PRRC2C: variants seen among roughly 807,000 people sequenced by gnomAD.
The protein encoded by PRRC2C is protein PRRC2C.
PRRC2C carries 72 observed loss-of-function variants against 317.2 expected under a neutral mutation model. That is an observed-to-expected ratio of 0.23 (90% confidence interval 0.19 to 0.28). The LOEUF (loss-of-function observed/expected upper bound fraction) is 0.28, where lower values mean the gene tolerates loss of function less well. Ranked by LOEUF, PRRC2C falls within the 10% of genes least tolerant of loss-of-function variation. The pLI is 1.00. For synonymous variants in PRRC2C, 1,296 were observed against 1,205.9 expected (o/e 1.07, Z -1.55); for missense variants, 3,074 against 3,459.7 (o/e 0.89, Z 2.80).
In PRRC2C at chr1:171,541,388, A is replaced by G. The variant is rs1677917869; in HGVS notation, c.3922A>G (p.Lys1308Glu). Residue 1308 changes from lysine to glutamate, a missense_variant, in exon 16 of 35, where the codon AAG becomes GAG. Around this residue, in one of 11 missense-constraint regions of PRRC2C, gnomAD observed 1,320 missense variants for 1,395.7 expected, o/e 0.95. Coordinates refer to ENST00000647382, the MANE Select transcript of PRRC2C (RefSeq NM_001387844.1). This position sits in a 1 kb window ranked among gnomAD's most constrained non-coding sequence, Gnocchi z 4.1. The part of the protein sequence containing the change: ...KKPVKPHSSF[K>E]PDNHVRIDNR... The stretch of plus-strand genomic sequence containing the variant: ...ACCTGTAAAGCCTCATTCTTCTTTC[A>G]AGCCTGATAATCATGTTCGAATAGA... The G allele has an allele frequency of 6.2e-7, 1 of 1,613,000 alleles. No homozygotes were observed. Among genetic ancestry groups the G allele is most frequent in the African/African-American group, 1.3e-5 (1 of 74,806 alleles).
intron 17 of PRRC2C, among the ~76,000 whole-genome samples, chr1:171,549,020 T>G (rs1052890258): frequency 6.6e-6 from 1 of 152,130 alleles, no homozygotes; most frequent in Non-Finnish European, 1.5e-5. Context: ...TTTTTGCATT[T>G]TTTGTAGAGA....
intron 15 of PRRC2C, among the ~76,000 whole-genome samples, chr1:171,538,960 C>T (rs1191468034): frequency 6.6e-6 from 1 of 151,514 alleles, no homozygotes; most frequent in Non-Finnish European, 1.5e-5. Flanking sequence ...GATCCTCCTG[C>T]CTCCCAGAGT....
Position 171,501,696 on chromosome 1 carries a change from T to G in PRRC2C, c.-57-10336T>G, listed in dbSNP as rs149683796. Among the ~76,000 whole-genome samples, 378 of 152,298 alleles carry G rather than the reference T, an allele frequency of 2.5e-3. 1 individual carries two copies. The highest frequency in any genetic ancestry group is 3.5e-3 in the Non-Finnish European group (240 of 68,020). ...AAGTAATAAAAAAGCTTTTCAAAATTAAAATTGATATAGGTAGAGGGTATA... is the reference window on the plus strand; with the variant it reads ...AAGTAATAAAAAAGCTTTTCAAAATGAAAATTGATATAGGTAGAGGGTATA... On this transcript the variant is annotated intron_variant, in intron 1 of 34. Transcript: ENST00000647382.
At chr1:171,513,453 T>C in intron 3 of PRRC2C, 1 of 524,234 alleles carries the variant, frequency 1.9e-6, no homozygotes, top group Non-Finnish European at 3.7e-6. Context: ...CCAACTCAGG[T>C]ATTCCCTTTC....
In PRRC2C at chr1:171,537,429, A is replaced by G. The variant is rs1677035731; in HGVS notation, c.2460A>G (p.Gln820=). The change falls in exon 15 of 35, where the codon CAA becomes CAG. Residue 820 remains glutamine (Q), a synonymous_variant. Transcript: ENST00000647382. ...ATCCCTATCCTCATGCTGAGCCTCAACAAGCAACTACTCCCAAAGCAACAG... is the reference window on the plus strand; with the variant it reads ...ATCCCTATCCTCATGCTGAGCCTCAGCAAGCAACTACTCCCAAAGCAACAG... The part of the protein sequence containing the change: ...GSDPYPHAEP[Q]QATTPKATEE... 5.7e-6 allele frequency: 9 copies of G among 1,585,036 alleles called. No homozygotes were observed. Among genetic ancestry groups the G allele is most frequent in the Non-Finnish European group, 6.9e-6 (8 of 1,164,602 alleles).
intron 19 of PRRC2C, among the ~76,000 whole-genome samples, chr1:171,559,509 GTTTTTTTT>G (rs869093669): frequency 3.0e-5 from 1 of 33,796 alleles, no homozygotes; most frequent in South Asian, 1.2e-3. Context: ...TACCAAGTTT[GTTTTTTTT>G]TTTTTTTTTT....
At chr1:171,534,166 T>C (rs1034839075) in intron 12 of PRRC2C, among the ~76,000 whole-genome samples, 6 of 152,050 alleles carry the variant, frequency 3.9e-5, no homozygotes, top group Non-Finnish European at 8.8e-5. Context: ...TTATCTTTAA[T>C]TTTTTTAATG....
Position 171,526,805 on chromosome 1 carries a change from C to CTT in PRRC2C, c.1201-966_1201-965dup, listed in dbSNP as rs938229816. ...AAAATCATTACATTCAGAAATATAT[C>CTT]TTTTTTTTTTTTTTTTTTTTTGAGA... On this transcript the variant is annotated intron_variant, in intron 10 of 34. Transcript: ENST00000647382. 3.7e-3 allele frequency among the ~76,000 whole-genome samples: 334 copies of CTT among 90,178 alleles called. 41 individuals are homozygous for CTT. Among genetic ancestry groups the CTT allele is most frequent in the African/African-American group, 0.013 (278 of 21,552 alleles). The allele number at this position is 90,178 out of a possible 152,430, so 59.2% of individuals were successfully genotyped here. A position where few individuals can be genotyped will look rare whatever the true frequency, so the allele number is the denominator to read the frequency against.
Position 171,583,946 on chromosome 1 carries a change from C to A in PRRC2C, c.7410-10C>A. ...CTTCTAACAATATTTTCTCTTTAAT[C>A]CTTATGTAGATCTCAGCCAGCTTTT... On this transcript the variant is annotated splice_polypyrimidine_tract_variant and intron_variant, in intron 28 of 34. Transcript: ENST00000647382. 6.2e-7 allele frequency: 1 copy of A among 1,601,556 alleles called. No homozygotes were observed. Among genetic ancestry groups the A allele is most frequent in the South Asian group, 1.1e-5 (1 of 90,670 alleles).
At chr1:171,533,124 TTC>T (rs576795134) in intron 12 of PRRC2C, among the ~76,000 whole-genome samples, 163 bp downstream of exon 12, 2 of 152,248 alleles carry the variant, frequency 1.3e-5, no homozygotes, top group South Asian at 4.1e-4. Context: ...TGTTTTCTAA[TTC>T]TGTATATGAA....
chr1:171,502,537 C>T (rs940353029), intron 1 of PRRC2C, among the ~76,000 whole-genome samples: 9 of 152,122 alleles, frequency 5.9e-5, no homozygotes, highest in African/African-American at 2.2e-4. Flanking sequence ...TTCATTTCTA[C>T]ATTTTTATTT....
intron 1 of PRRC2C, among the ~76,000 whole-genome samples, chr1:171,505,483 C>G (rs1464057870): frequency 6.6e-6 from 1 of 152,090 alleles, no homozygotes; most frequent in African/African-American, 2.4e-5. Context: ...ATCAGATTTT[C>G]TACATATGTG....
At chr1:171,515,396 G>C (rs1330613890) in intron 4 of PRRC2C, among the ~76,000 whole-genome samples, 1 of 152,166 alleles carries the variant, frequency 6.6e-6, no homozygotes, top group African/African-American at 2.4e-5. Flanking sequence ...TGATTTGAAC[G>C]AATTCTGAGA....
rs753075541 is a variant in PRRC2C, at chr1:171,540,587, G to T, written c.3121G>T (p.Ala1041Ser). ...GAGGAAGGAGAAAGAAGGAGAAAAG[G>T]CCGAAAAGGTCACTGAAAAAGTAGT... ...EQRKEKEGEK[A>S]EKVTEKVVVK... is the part of the protein sequence containing the mutation. Residue 1041 changes from alanine to serine, a missense_variant, in exon 16 of 35, where the codon GCC (alanine) becomes TCC (serine). Physicochemically the swap from Ala to Ser is moderately conservative, Grantham distance 99. Transcript: ENST00000647382. 5 of 1,613,810 alleles carry T rather than the reference G, an allele frequency of 3.1e-6. No individual in the cohort carries two copies. The highest frequency in any genetic ancestry group is 1.1e-5 in the South Asian group (1 of 91,070).
At chr1:171,588,677 C>T (rs1650615844) in intron 33 of PRRC2C, among the ~76,000 whole-genome samples, 172 bp downstream of exon 33, 1 of 152,040 alleles carries the variant, frequency 6.6e-6, no homozygotes, top group South Asian at 2.1e-4. Context: ...GATTTATAGC[C>T]AGACATGGTA....
intron 6 of PRRC2C, among the ~76,000 whole-genome samples, chr1:171,520,738 C>A (rs1011434166): frequency 6.6e-6 from 1 of 150,480 alleles, no homozygotes; most frequent in Non-Finnish European, 1.5e-5. Context: ...AGCTGAGTTT[C>A]AGCTGTTGCT....
At position 171,552,407 on chromosome 1, in the gene PRRC2C, A is replaced by G. The variant is rs563387742; in HGVS notation, c.5127+2167A>G. 7.2e-5 allele frequency among the ~76,000 whole-genome samples: 11 copies of G among 152,316 alleles called. No homozygotes were observed. The East Asian group carries it at 1.9e-3, about 27-fold the overall frequency. On this transcript the variant is annotated intron_variant, in intron 18 of 34. Transcript: ENST00000647382. ...TAAATATACAGTCATGTCATCTGCA[A>G]ACAGGGACAATTTGACTTCCTCTTT... is the stretch of plus-strand genomic sequence containing the variant.
intron 1 of PRRC2C, among the ~76,000 whole-genome samples, chr1:171,494,751 T>G (rs1667805648): frequency 6.6e-6 from 1 of 152,174 alleles, no homozygotes; most frequent in South Asian, 2.1e-4. Flanking sequence ...GGATTTGGCC[T>G]CCTCTTCACT....
chr1:171,540,576 A>G lies in PRRC2C; in HGVS notation c.3110A>G (p.Glu1037Gly). 1 of 1,613,964 alleles carries G rather than the reference A, an allele frequency of 6.2e-7. No individual in the cohort carries two copies. ...KEEREQRKEK[E>G]GEKAEKVTEK... ...GAACGGGAACAGAGGAAGGAGAAAG[A>G]AGGAGAAAAGGCCGAAAAGGTCACT... The change falls in exon 16 of 35, where the codon GAA (glutamate) becomes GGA (glycine). Residue 1037 changes from glutamate (E) to glycine (G), a missense_variant. This residue lies in a region of PRRC2C where 1,320 missense variants were observed against 1,395.7 expected (regional missense o/e 0.95). Coordinates refer to ENST00000647382, the MANE Select transcript of PRRC2C (RefSeq NM_001387844.1).
Sources: gnomAD v4.1 joint callset for allele counts (sites outside exome capture counted in the v4.1 genomes callset) on GRCh38, gnomAD v4.1.1 for gene constraint, gnomAD v4.1.1 regional missense constraint, Gnocchi (gnomAD v3.1) non-coding constraint, MANE v1.5 for transcripts, NCBI Gene and HGNC (gene_info 2026-07-23, HGNC 2026-07-21) for gene names.